Variants in SLC22A17 observed in about 807,000 individuals in gnomAD.
The protein encoded by SLC22A17 is 24p3 receptor.
In SLC22A17, 38 loss-of-function variants were observed where a neutral mutation model predicts 53.6. The observed-to-expected ratio is 0.71, with a 90% CI of 0.55 to 0.93. SLC22A17 has a LOEUF of 0.93. SLC22A17 is among the 40% of genes least tolerant of loss of function. The pLI, the probability that SLC22A17 is intolerant of heterozygous loss-of-function variation, is 0.00. For synonymous variants in SLC22A17, 379 were observed against 353.0 expected (o/e 1.07, Z -0.82); for missense variants, 704 against 791.0 (o/e 0.89, Z 1.32).
chr14:23,346,398 G>C lies in SLC22A17; in HGVS notation c.*250C>G, dbSNP rs982237181. On this transcript the variant is annotated 3_prime_UTR_variant, in exon 10 of 10. Coordinates refer to ENST00000397267, the Ensembl canonical transcript of SLC22A17. ...GAGGTCTGGGTGGATGTCTTTGGGC[G>C]CAGGATGGAGCCCAGACCCAGTGGT... 6.7e-6 allele frequency: 3 copies of C among 450,482 alleles called. No individual in the cohort carries two copies. In the East Asian group the frequency reaches 1.0e-4, roughly 15 times the overall value. The allele number at this position is 450,482 out of a possible 1,614,324, so 27.9% of individuals were successfully genotyped here. A position where few individuals can be genotyped will look rare whatever the true frequency, so the allele number is the denominator to read the frequency against.
At chr14:23,350,673 G>A (rs1889568084) in intron 3 of SLC22A17, among the ~76,000 whole-genome samples, 1 of 152,146 alleles carries the variant, frequency 6.6e-6, no homozygotes, top group Non-Finnish European at 1.5e-5. Context: ...CCATGAGGAT[G>A]GGCTTATTGG....
Position 23,347,710 on chromosome 14 carries a change from G to A in SLC22A17, c.1299C>T (p.Arg433=), listed in dbSNP as rs1889314400. Residue 433 remains arginine (R), a synonymous_variant, in exon 8 of 10, where the codon CGC becomes CGT. Transcript: ENST00000397267. The surrounding 1 kb of genome is among the most constrained non-coding windows in gnomAD (Gnocchi z 5.1). The stretch of plus-strand genomic sequence containing the variant: ...CTCCTCCCACAGGCTGGTAGCAGTG[G>A]CGAATGGCATGGGCAATGAAGCTGT... 1.9e-6 allele frequency: 3 copies of A among 1,613,794 alleles called. No individual in the cohort carries two copies. Among genetic ancestry groups the A allele is most frequent in the Non-Finnish European group, 2.5e-6 (3 of 1,180,000 alleles).
rs1340335441 is a variant in SLC22A17 at position 23,347,102 on chromosome 14, G to C, written c.1660C>G (p.Arg554Gly). Residue 554 changes from arginine to glycine, a missense_variant and splice_region_variant, in exon 9 of 10, where the codon CGG becomes GGG. Physicochemically the swap from Arg to Gly is moderately radical, Grantham distance 125 (BLOSUM62 -2). Transcript: ENST00000397267. The surrounding 1 kb of genome is among the most constrained non-coding windows in gnomAD (Gnocchi z 5.1). Reference sequence around the variant, plus strand: ...CCCTGGGGGCACCCCTGCTCTCACCGGACAGTGGTGGGGATGACCTCAGCA... The same window carrying C: ...CCCTGGGGGCACCCCTGCTCTCACCCGACAGTGGTGGGGATGACCTCAGCA... 6.2e-7 allele frequency: 1 copy of C among 1,612,030 alleles called. No homozygotes were observed. Among genetic ancestry groups the C allele is most frequent in the Non-Finnish European group, 8.5e-7 (1 of 1,179,250 alleles).
In SLC22A17 at chr14:23,346,710, G is replaced by A; in HGVS notation, c.1888C>T (p.Gln630Ter). ...TGGTCACAGCGGGTAGGGGGTGGCTGCCGCAGCAGGGAAGGCCGGCGACAC... is the reference window on the plus strand; with the variant it reads ...TGGTCACAGCGGGTAGGGGGTGGCTACCGCAGCAGGGAAGGCCGGCGACAC... Residue 630 changes from glutamine (Q) to a stop codon, truncating the protein, a stop_gained, in exon 10 of 10, where the codon CAG (glutamine) becomes TAG (stop). Transcript: ENST00000397267. LOFTEE classifies it high-confidence loss of function. The A allele has an allele frequency of 5.2e-6, 8 of 1,543,324 alleles. No individual in the cohort carries two copies. The highest frequency in any genetic ancestry group is 5.2e-6 in the Non-Finnish European group (6 of 1,149,514).
intron 3 of SLC22A17, 139 bp downstream of exon 3, chr14:23,351,613 T>C (rs569023280): frequency 9.1e-6 from 6 of 662,074 alleles, no homozygotes; most frequent in South Asian, 5.9e-5. Context: ...GAGACATGGA[T>C]AGACCATTGA....
intron 3 of SLC22A17, 31 bp from the exon 4 acceptor site, chr14:23,349,457 A>C: frequency 6.3e-7 from 1 of 1,597,392 alleles, no homozygotes; most frequent in South Asian, 1.1e-5. Flanking sequence ...CTGGTCACCC[A>C]GACTCTCTGG....
chr14:23,349,241 AG>A lies in SLC22A17; in HGVS notation c.859+30del, dbSNP rs1184779840. 5 of 1,613,922 alleles carry A rather than the reference AG, an allele frequency of 3.1e-6. No homozygotes were observed. The South Asian group carries it at 5.5e-5, about 18-fold the overall frequency. On this transcript the variant is annotated intron_variant, in intron 4 of 9. Transcript: ENST00000397267. ...TGCAGGCAGGTAGGCATGAGACCCA[AG>A]GGAGGGAATTCTGGGAGGGTGCCAC...
chr14:23,351,834 C>T, exon 3 of SLC22A17: 2 of 1,613,630 alleles, frequency 1.2e-6, no homozygotes, highest in Non-Finnish European at 1.7e-6. Context: ...ACCTGCCAGC[C>T]CAGGTCACAC....
At chr14:23,349,454 C>T (rs1889484838) in intron 3 of SLC22A17, 28 bp from the exon 4 acceptor site, 1 of 1,598,848 alleles carries the variant, frequency 6.3e-7, no homozygotes, top group Non-Finnish European at 8.5e-7. Context: ...CTTCTGGTCA[C>T]CCAGACTCTC....
Position 23,348,059 on chromosome 14 carries a change from G to A in SLC22A17, c.1172-63C>T. On this transcript the variant is annotated intron_variant, in intron 6 of 9. Transcript: ENST00000397267. The surrounding 1 kb of genome is among the most constrained non-coding windows in gnomAD (Gnocchi z 4.5). ...TGAGATCCCAGGATCCTCCCACATG[G>A]GTGGTGGGGACCCTGGGAGAAGGTG... The A allele has an allele frequency of 6.2e-7, 1 of 1,607,980 alleles. No individual in the cohort carries two copies. The highest frequency in any genetic ancestry group is 8.5e-7 in the Non-Finnish European group (1 of 1,174,972).
chr14:23,349,446 T>G lies in SLC22A17; in HGVS notation c.705-20A>C, dbSNP rs1278148302. ...CCAAATCTAGAAAGTGGGAAGGGCTTCTGGTCACCCAGACTCTCTGGTGGT... is the reference window on the plus strand; with the variant it reads ...CCAAATCTAGAAAGTGGGAAGGGCTGCTGGTCACCCAGACTCTCTGGTGGT... On this transcript the variant is annotated intron_variant, in intron 3 of 9. Coordinates refer to ENST00000397267, the Ensembl canonical transcript of SLC22A17. 6.2e-7 allele frequency: 1 copy of G among 1,605,112 alleles called. No individual in the cohort carries two copies. The highest frequency in any genetic ancestry group is 8.5e-7 in the Non-Finnish European group (1 of 1,175,586).
rs762257651 is a variant in SLC22A17 at position 23,351,734 on chromosome 14, C to G, written c.704+18G>C. On this transcript the variant is annotated intron_variant, in intron 3 of 9. Coordinates refer to ENST00000397267, the Ensembl canonical transcript of SLC22A17. ...ACCCCCTCCTTTCTACCAGCCCTGC[C>G]CCCACGACAGCCCTCACCTGTCTGC... is the stretch of plus-strand genomic sequence containing the variant. 12 of 1,606,414 alleles carry G rather than the reference C, an allele frequency of 7.5e-6. No homozygotes were observed. The highest frequency in any genetic ancestry group is 1.0e-5 in the Non-Finnish European group (12 of 1,176,842).
Position 23,347,674 on chromosome 14 carries a change from T to C in SLC22A17, c.1335A>G (p.Pro445=), listed in dbSNP as rs138052426. The C allele has an allele frequency of 1.5e-5, 24 of 1,613,842 alleles. No homozygotes were observed. The highest frequency in any genetic ancestry group is 1.6e-4 in the Middle Eastern group (1 of 6,084). Residue 445 remains proline, a synonymous_variant, in exon 8 of 10, where the codon CCA becomes CCG. Coordinates refer to ENST00000397267, the Ensembl canonical transcript of SLC22A17. This position sits in a 1 kb window ranked among gnomAD's most constrained non-coding sequence, Gnocchi z 5.1. ...GCAGAGAGCACAGGTAGAAGTCCGA[T>C]GGGCTCCCTCCTCCTCCCACAGGCT...
Position 23,348,663 on chromosome 14 carries a change from G to T in SLC22A17, c.868C>A (p.Leu290Met). Residue 290 changes from leucine (L) to methionine (M), a missense_variant, in exon 5 of 10, where the codon CTG (leucine) becomes ATG (methionine). Transcript: ENST00000397267. This position sits in a 1 kb window ranked among gnomAD's most constrained non-coding sequence, Gnocchi z 4.5. ...CGAAGCCTCTGGGTTGGGTCGCACA[G>T]CTCCAGGCCTGGAGATACAGCAGGG... 1 of 1,611,056 alleles carries T rather than the reference G, an allele frequency of 6.2e-7. No individual in the cohort carries two copies. Among genetic ancestry groups the T allele is most frequent in the Non-Finnish European group, 8.5e-7 (1 of 1,178,590 alleles).
chr14:23,349,362 C>A (rs1313296225), exon 4 of SLC22A17: 1 of 1,613,898 alleles, frequency 6.2e-7, no homozygotes, highest in East Asian at 2.2e-5. Flanking sequence ...CCTGCAGCAG[C>A]CCCTCCTACT....
In SLC22A17 at chr14:23,347,704, G is replaced by C; in HGVS notation, c.1305C>G (p.Cys435Trp). Reference sequence around the variant, plus strand: ...TCCCTCCTCCTCCCACAGGCTGGTAGCAGTGGCGAATGGCATGGGCAATGA... The same window carrying C: ...TCCCTCCTCCTCCCACAGGCTGGTACCAGTGGCGAATGGCATGGGCAATGA... Residue 435 changes from cysteine to tryptophan, a missense_variant, in exon 8 of 10, where the codon TGC (cysteine) becomes TGG (tryptophan). Coordinates refer to ENST00000397267, the Ensembl canonical transcript of SLC22A17. This position sits in a 1 kb window ranked among gnomAD's most constrained non-coding sequence, Gnocchi z 5.1. 1.2e-6 allele frequency: 2 copies of C among 1,613,952 alleles called. No individual in the cohort carries two copies. Among genetic ancestry groups the C allele is most frequent in the Non-Finnish European group, 1.7e-6 (2 of 1,179,998 alleles).
Position 23,347,456 on chromosome 14 carries a change from G to A in SLC22A17, c.1549+4C>T. On this transcript the variant is annotated splice_donor_region_variant and intron_variant, in intron 8 of 9. Coordinates refer to ENST00000397267, the Ensembl canonical transcript of SLC22A17. The surrounding 1 kb of genome is among the most constrained non-coding windows in gnomAD (Gnocchi z 5.1). ...GAAGAAATGGCTGTGCCTGTCTGAA[G>A]CACCTCTGTTGGGGTTCCCTTGTTG... is the stretch of plus-strand genomic sequence containing the variant. 1.2e-6 allele frequency: 2 copies of A among 1,612,434 alleles called. No homozygotes were observed. The highest frequency in any genetic ancestry group is 1.7e-6 in the Non-Finnish European group (2 of 1,178,894).
Position 23,352,763 on chromosome 14 carries a change from G to A in SLC22A17, c.-22C>T. 5.0e-6 allele frequency: 2 copies of A among 398,732 alleles called. No homozygotes were observed. The highest frequency in any genetic ancestry group is 2.5e-4 in the South Asian group (2 of 7,876). The allele number at this position is 398,732 out of a possible 1,614,324, so 24.7% of individuals were successfully genotyped here. ...CCAGCTTGCCGACCGCAGGGGCCCT[G>A]CCGGCCCGCGCCGAAAGGATGCGCT... On this transcript the variant is annotated 5_prime_UTR_variant, in exon 1 of 10. Transcript: ENST00000397267. The surrounding 1 kb of genome is among the most constrained non-coding windows in gnomAD (Gnocchi z 7.2).
In SLC22A17 at chr14:23,347,237, G is replaced by T; in HGVS notation, c.1550-25C>A. 6.3e-7 allele frequency: 1 copy of T among 1,596,180 alleles called. No individual in the cohort carries two copies. The highest frequency in any genetic ancestry group is 8.6e-7 in the Non-Finnish European group (1 of 1,167,856). On this transcript the variant is annotated intron_variant, in intron 8 of 9. Coordinates refer to ENST00000397267, the Ensembl canonical transcript of SLC22A17. This position sits in a 1 kb window ranked among gnomAD's most constrained non-coding sequence, Gnocchi z 5.1. ...TCTGCAGAAGCAAGAGGGATGATAT[G>T]AATGCAGGTGGGGAGGTCAAGGCTG...
Sources: allele counts gnomAD v4.1 joint callset (sites outside exome capture counted in the v4.1 genomes callset), GRCh38; gene constraint gnomAD v4.1.1; non-coding constraint Gnocchi (gnomAD v3.1); transcripts MANE v1.5; gene names NCBI Gene and HGNC (gene_info 2026-07-23, HGNC 2026-07-21).